PTN: variants seen among roughly 807,000 people sequenced by gnomAD.
PTN encodes the protein pleiotrophin.
A neutral mutation model predicts 24.1 loss-of-function variants in PTN; 18 were observed. That is an observed-to-expected ratio of 0.75 (90% CI 0.52 to 1.11). The LOEUF is 1.11. Among genes scored for constraint, PTN ranks in the 50% least tolerant of loss-of-function variants. The pLI is 0.00. For missense variants in PTN, 163 were observed against 198.8 expected (o/e 0.82, Z 1.08); for synonymous variants, 78 against 68.6 (o/e 1.14, Z -0.67).
At chr7:137,288,716 C>A (rs1017324597) in intron 1 of PTN, among the ~76,000 whole-genome samples, 1 of 152,056 alleles carries the variant, frequency 6.6e-6, no homozygotes, top group Admixed American at 6.6e-5. Context: ...GGGAAGAAAC[C>A]TTTTATCTGA....
chr7:137,274,874 G>A (rs920519613), intron 1 of PTN, among the ~76,000 whole-genome samples: 1 of 152,142 alleles, frequency 6.6e-6, no homozygotes, highest in Non-Finnish European at 1.5e-5. Flanking sequence ...TTAATATGGT[G>A]GAAAGAGAAA....
intron 1 of PTN, among the ~76,000 whole-genome samples, chr7:137,307,111 T>C (rs1809901856): frequency 6.6e-6 from 1 of 152,138 alleles, no homozygotes; most frequent in African/African-American, 2.4e-5. Context: ...GGCAGCTACT[T>C]TGAATAACGA....
At chr7:137,329,150 G>C (rs1030531936) in intron 1 of PTN, among the ~76,000 whole-genome samples, 1 of 152,162 alleles carries the variant, frequency 6.6e-6, no homozygotes, top group Non-Finnish European at 1.5e-5. Context: ...GCTGTTGGGA[G>C]CATTTAACCC....
intron 1 of PTN, among the ~76,000 whole-genome samples, chr7:137,330,572 G>A (rs1212887841): frequency 2.6e-5 from 4 of 152,140 alleles, no homozygotes; most frequent in African/African-American, 9.7e-5. Flanking sequence ...ACCACTAAAG[G>A]TGGGGAGGAC....
chr7:137,276,690 T>C (rs75332769), intron 1 of PTN, among the ~76,000 whole-genome samples: 15,304 of 152,202 alleles, frequency 0.1, 924 homozygotes, highest in South Asian at 0.26. Flanking sequence ...ACCAGACTCA[T>C]GCAAGTTAAC....
At chr7:137,257,262 A>T (rs1241268623) in intron 1 of PTN, among the ~76,000 whole-genome samples, 1 of 152,218 alleles carries the variant, frequency 6.6e-6, no homozygotes, top group Non-Finnish European at 1.5e-5. Context: ...CTGAGGCTAA[A>T]TTCTTATTAT....
chr7:137,245,122 G>A (rs10276177), intron 4 of PTN, among the ~76,000 whole-genome samples: 1,712 of 152,108 alleles, frequency 0.011, 29 homozygotes, highest in African/African-American at 0.039. Context: ...ATTAATCCAC[G>A]GCCATTTCCC....
At chr7:137,273,018 A>C (rs1031945728) in intron 1 of PTN, among the ~76,000 whole-genome samples, 1 of 152,184 alleles carries the variant, frequency 6.6e-6, no homozygotes, top group Non-Finnish European at 1.5e-5. Flanking sequence ...CTGTGCATGC[A>C]TGTGTGATTG....
intron 1 of PTN, among the ~76,000 whole-genome samples, chr7:137,275,009 T>A (rs1809339028): frequency 6.6e-6 from 1 of 152,232 alleles, no homozygotes; most frequent in African/African-American, 2.4e-5. Context: ...TGCACACTTA[T>A]AATTTGTTTG....
intron 4 of PTN, among the ~76,000 whole-genome samples, chr7:137,237,073 C>T (rs1252378297): frequency 6.6e-6 from 1 of 152,150 alleles, no homozygotes; most frequent in Non-Finnish European, 1.5e-5. Flanking sequence ...GCCTGACTTG[C>T]ATCCCTCCTG....
chr7:137,338,794 A>G (rs2128883964), intron 1 of PTN, among the ~76,000 whole-genome samples: 1 of 152,322 alleles, frequency 6.6e-6, no homozygotes, highest in East Asian at 1.9e-4. Context: ...CCTCCTCCAA[A>G]TAGAATTGTG....
In PTN at chr7:137,343,651, T is replaced by C. The variant is rs746803438; in HGVS notation, c.-214A>G. 9.6e-6 allele frequency: 5 copies of C among 518,266 alleles called. No individual in the cohort carries two copies. The highest frequency in any genetic ancestry group is 1.9e-5 in the Non-Finnish European group (5 of 259,606). The allele number at this position is 518,266 out of a possible 1,614,324, so 32.1% of individuals were successfully genotyped here. A position where few individuals can be genotyped will look rare whatever the true frequency, so the allele number is the denominator to read the frequency against. ...CTCTGGGGCTCTCTTGGCGGGATTT[T>C]TGGACTGGAAGGCGGGGAACCTGAT... is the stretch of plus-strand genomic sequence containing the variant. On this transcript the variant is annotated 5_prime_UTR_variant, in exon 1 of 5. Coordinates refer to ENST00000348225, the MANE Select transcript of PTN (RefSeq NM_002825.7).
Position 137,268,992 on chromosome 7 carries a change from T to C in PTN, c.-1-14018A>G, listed in dbSNP as rs1386237940. Reference sequence around the variant, plus strand: ...TAGGTTACAAAGATTTTTGTTGTTCTGTTTCTTGAGCATATTCAGAAATTC... The same window carrying C: ...TAGGTTACAAAGATTTTTGTTGTTCCGTTTCTTGAGCATATTCAGAAATTC... On this transcript the variant is annotated intron_variant, in intron 1 of 4. Coordinates refer to ENST00000348225, the MANE Select transcript of PTN (RefSeq NM_002825.7). Among the ~76,000 whole-genome samples the C allele has an allele frequency of 2.6e-5, 4 of 152,208 alleles. No individual in the cohort carries two copies. The East Asian group carries it at 7.7e-4, about 29-fold the overall frequency.
intron 4 of PTN, among the ~76,000 whole-genome samples, chr7:137,245,254 G>A (rs1808702787): frequency 6.6e-6 from 1 of 152,120 alleles, no homozygotes; most frequent in Non-Finnish European, 1.5e-5. Context: ...AGGAAAAGAA[G>A]GCACTTTCTG....
chr7:137,254,429 C>T (rs1178122025), intron 2 of PTN, among the ~76,000 whole-genome samples: 1 of 152,086 alleles, frequency 6.6e-6, no homozygotes, highest in Non-Finnish European at 1.5e-5. Context: ...ACTGTCAGTT[C>T]CACAGCCTAC....
At chr7:137,268,254 C>A (rs572025338) in intron 1 of PTN, among the ~76,000 whole-genome samples, 6 of 152,232 alleles carry the variant, frequency 3.9e-5, no homozygotes, top group Admixed American at 3.9e-4. Context: ...TGGTTGGAGT[C>A]CCCCGCAGGG....
chr7:137,231,079 CTT>C (rs1397565113), intron 4 of PTN, among the ~76,000 whole-genome samples: 1 of 151,812 alleles, frequency 6.6e-6, no homozygotes, highest in Non-Finnish European at 1.5e-5. Flanking sequence ...CTTTCCTGCT[CTT>C]GTTAGAGCAC....
intron 1 of PTN, among the ~76,000 whole-genome samples, chr7:137,269,218 C>T (rs1457470963): frequency 1.3e-5 from 2 of 152,136 alleles, no homozygotes; most frequent in Non-Finnish European, 2.9e-5. Flanking sequence ...GAGATTTTCA[C>T]GTTCTGTTCT....
At chr7:137,275,955 A>C (rs374547639) in intron 1 of PTN, among the ~76,000 whole-genome samples, 1 of 152,224 alleles carries the variant, frequency 6.6e-6, no homozygotes, top group Admixed American at 6.5e-5. Flanking sequence ...AAGTGACTCA[A>C]TTAAAAACAT....
Sources: gnomAD v4.1 joint callset for allele counts (sites outside exome capture counted in the v4.1 genomes callset) on GRCh38, gnomAD v4.1.1 for gene constraint, MANE v1.5 for transcripts, NCBI Gene and HGNC (gene_info 2026-07-23, HGNC 2026-07-21) for gene names.